The following COLEC12 variants were observed in gnomAD, a reference collection of about 807,000 sequenced individuals.
COLEC12 encodes the protein collectin-12.
COLEC12 carries 33 observed loss-of-function variants against 71.1 expected under a neutral mutation model. The observed-to-expected ratio is 0.46, with a 90% CI of 0.35 to 0.62. The LOEUF (loss-of-function observed/expected upper bound fraction) is 0.62, where lower values mean the gene tolerates loss of function less well. Ranked by LOEUF, COLEC12 falls within the 20% of genes least tolerant of loss-of-function variation. COLEC12 has a pLI of 0.00. For synonymous variants in COLEC12, 350 were observed against 353.0 expected (o/e 0.99, Z 0.10); for missense variants, 765 against 916.1 (o/e 0.84, Z 2.13).
chr18:428,222 C>G (rs1916234568), intron 2 of COLEC12, among the ~76,000 whole-genome samples: 1 of 151,062 alleles, frequency 6.6e-6, no homozygotes. Context: ...GAGATCCTGT[C>G]ACTGCACTTC....
In COLEC12 at chr18:357,695, A is replaced by G. The variant is rs56861740; in HGVS notation, c.59-173T>C. Among the ~76,000 whole-genome samples the G allele has an allele frequency of 6.6e-3, 1,013 of 152,374 alleles. 14 individuals carry two copies. The highest frequency in any genetic ancestry group is 0.023 in the African/African-American group (967 of 41,592). On this transcript the variant is annotated intron_variant, in intron 2 of 9. Coordinates refer to ENST00000400256, the MANE Select transcript of COLEC12 (RefSeq NM_130386.3). ...CTGCTTGAGCAACATAAGCACTTCA[A>G]TATTACCATTCTATTGTTATAGCTG...
At chr18:348,491 T>C (rs1297426100) in intron 3 of COLEC12, among the ~76,000 whole-genome samples, 2 of 152,222 alleles carry the variant, frequency 1.3e-5, no homozygotes, top group Non-Finnish European at 2.9e-5. Context: ...CTATTTCCTA[T>C]ATTAATTTCC....
chr18:450,669 G>C (rs1403505281), intron 2 of COLEC12, among the ~76,000 whole-genome samples: 1 of 152,152 alleles, frequency 6.6e-6, no homozygotes, highest in African/African-American at 2.4e-5. Context: ...TTGGTACTGA[G>C]GTGTAGGGCA....
Position 325,375 on chromosome 18 carries a change from T to C in COLEC12, c.2064-3568A>G, listed in dbSNP as rs573119872. ...GTGGACAGAGGAACAGAAGAGCTTC[T>C]AGTGCGTTTGGGGAGATTCTCAGGA... On this transcript the variant is annotated intron_variant, in intron 8 of 9. Transcript: ENST00000400256. Among the ~76,000 whole-genome samples, 14 of 152,162 alleles carry C rather than the reference T, an allele frequency of 9.2e-5. 1 individual carries two copies. In the South Asian group the frequency reaches 2.9e-3, roughly 32 times the overall value.
intron 2 of COLEC12, among the ~76,000 whole-genome samples, chr18:452,842 G>A (rs2143716892): frequency 6.6e-6 from 1 of 152,356 alleles, no homozygotes; most frequent in East Asian, 1.9e-4. Flanking sequence ...GGCCACAGGT[G>A]CTTCCAAGTG....
chr18:434,717 C>T (rs772953656), intron 2 of COLEC12, among the ~76,000 whole-genome samples: 13 of 152,236 alleles, frequency 8.5e-5, no homozygotes, highest in Non-Finnish European at 1.5e-4. Flanking sequence ...AAATCATCTT[C>T]CCAAAAGCAC....
rs115257669 is a variant in COLEC12, at chr18:427,024, C to T, written c.58+53683G>A. 8.8e-3 allele frequency among the ~76,000 whole-genome samples: 1,341 copies of T among 152,288 alleles called. 19 individuals carry two copies. The highest frequency in any genetic ancestry group is 0.029 in the African/African-American group (1,205 of 41,550). On this transcript the variant is annotated intron_variant, in intron 2 of 9. Coordinates refer to ENST00000400256, the MANE Select transcript of COLEC12 (RefSeq NM_130386.3). ...CTTGTGTCCCTCTGGGATGGCTGTG[C>T]GTGGCAGGCTGCAGTTGTAATCAGT...
Position 408,076 on chromosome 18 carries a change from A to T in COLEC12, c.59-50554T>A, listed in dbSNP as rs1328592196. On this transcript the variant is annotated intron_variant, in intron 2 of 9. Transcript: ENST00000400256. This position sits in a 1 kb window ranked among gnomAD's most constrained non-coding sequence, Gnocchi z 4.3. Reference sequence around the variant, plus strand: ...CCAGTTGGCACTAACCTAGGAAATGAATTTTTAATAACTCTAATTCAGAAT... The same window carrying T: ...CCAGTTGGCACTAACCTAGGAAATGTATTTTTAATAACTCTAATTCAGAAT... Among the ~76,000 whole-genome samples the T allele has an allele frequency of 2.0e-5, 3 of 152,328 alleles. No homozygotes were observed. Among genetic ancestry groups the T allele is most frequent in the Non-Finnish European group, 4.4e-5 (3 of 68,030 alleles).
In COLEC12 at chr18:460,440, A is replaced by C. The variant is rs77235845; in HGVS notation, c.58+20267T>G. ...GGAATTTATCTGTCTTAAGGTCTTT[A>C]GTCAAGCTAAATTATGTTACCTGAG... is the stretch of plus-strand genomic sequence containing the variant. On this transcript the variant is annotated intron_variant, in intron 2 of 9. Transcript: ENST00000400256. Among the ~76,000 whole-genome samples the C allele has an allele frequency of 8.1e-3, 1,241 of 152,296 alleles. 7 individuals are homozygous for C. Among genetic ancestry groups the C allele is most frequent in the Non-Finnish European group, 0.012 (804 of 68,020 alleles).
intron 2 of COLEC12, among the ~76,000 whole-genome samples, chr18:444,301 A>C (rs1477671691): frequency 6.6e-6 from 1 of 152,220 alleles, no homozygotes; most frequent in Non-Finnish European, 1.5e-5. Flanking sequence ...AAAATAGACA[A>C]ATGTTTATTT....
intron 2 of COLEC12, among the ~76,000 whole-genome samples, chr18:476,624 G>A (rs1190005338): frequency 2.0e-5 from 3 of 152,212 alleles, no homozygotes; most frequent in African/African-American, 7.2e-5. Context: ...AGGCTCCAGA[G>A]GGAGGGCCCA....
chr18:451,625 T>C (rs944935706), intron 2 of COLEC12, among the ~76,000 whole-genome samples: 1 of 152,068 alleles, frequency 6.6e-6, no homozygotes, highest in Non-Finnish European at 1.5e-5. Flanking sequence ...CAGGTGGCTG[T>C]AGTCCCAGCT....
At chr18:320,385 CTG>C (rs1913674152) in intron 9 of COLEC12, among the ~76,000 whole-genome samples, 1 of 152,140 alleles carries the variant, frequency 6.6e-6, no homozygotes, top group South Asian at 2.1e-4. Flanking sequence ...GTTTAGATAT[CTG>C]TGTTTTTCCC....
At chr18:439,550 A>T (rs962756469) in intron 2 of COLEC12, among the ~76,000 whole-genome samples, 4 of 151,720 alleles carry the variant, frequency 2.6e-5, no homozygotes, top group South Asian at 4.2e-4. Flanking sequence ...ATTTTAAAAA[A>T]TTTATTTTAA....
chr18:441,330 T>C (rs1916530402), intron 2 of COLEC12, among the ~76,000 whole-genome samples: 1 of 152,140 alleles, frequency 6.6e-6, no homozygotes, highest in Non-Finnish European at 1.5e-5. Context: ...GCTCTGCAGC[T>C]TATGTGAGCT....
At chr18:486,493 T>C (rs1322622486) in intron 1 of COLEC12, among the ~76,000 whole-genome samples, 1 of 152,160 alleles carries the variant, frequency 6.6e-6, no homozygotes, top group Non-Finnish European at 1.5e-5. Flanking sequence ...CTGCATTTTA[T>C]TATGTTTCTG....
At chr18:339,861 A>G (rs1361707143) in intron 5 of COLEC12, among the ~76,000 whole-genome samples, 2 of 152,110 alleles carry the variant, frequency 1.3e-5, no homozygotes, top group African/African-American at 4.8e-5. Context: ...AGCTAAAGCC[A>G]TTTAAAAAGT....
chr18:493,816 G>C (rs915724913), intron 1 of COLEC12, among the ~76,000 whole-genome samples: 2 of 152,224 alleles, frequency 1.3e-5, no homozygotes, highest in African/African-American at 4.8e-5. Context: ...ACATCATATG[G>C]TTTAAAAACA....
chr18:492,096 T>C (rs938175572), intron 1 of COLEC12, among the ~76,000 whole-genome samples: 3 of 152,240 alleles, frequency 2.0e-5, no homozygotes, highest in Non-Finnish European at 4.4e-5. Flanking sequence ...GCAGTTTAAA[T>C]ACTTGTAGAT....
Sources: allele counts gnomAD v4.1 joint callset (sites outside exome capture counted in the v4.1 genomes callset), GRCh38; gene constraint gnomAD v4.1.1; non-coding constraint Gnocchi (gnomAD v3.1); transcripts MANE v1.5; gene names NCBI Gene and HGNC (gene_info 2026-07-23, HGNC 2026-07-21).